The following OPHN1 variants were observed in gnomAD, a reference collection of about 807,000 sequenced individuals.
The protein encoded by OPHN1 is oligophrenin-1.
OPHN1 carries 11 observed loss-of-function variants against 60.7 expected under a neutral mutation model. That is an observed-to-expected ratio of 0.18 (90% CI 0.11 to 0.30). OPHN1 has a LOEUF of 0.30. OPHN1 is among the 10% of genes least tolerant of loss of function. The pLI is 1.00. For synonymous variants in OPHN1, 226 were observed against 222.6 expected (o/e 1.02, Z -0.14); for missense variants, 449 against 611.0 (o/e 0.73, Z 2.80).
intron 2 of OPHN1, among the ~76,000 whole-genome samples, chrX:68,339,206 G>C (rs1470734898): frequency 9.2e-6 from 1 of 108,864 alleles, no homozygotes; most frequent in African/African-American, 3.3e-5. Flanking sequence ...AATTGACAAA[G>C]TCCAAAATCT....
chrX:68,309,660 AAATGTGAGTCACC>A (rs1441921181), intron 2 of OPHN1, among the ~76,000 whole-genome samples: 1 of 112,515 alleles, frequency 8.9e-6, no homozygotes, highest in African/African-American at 3.2e-5. Context: ...TAGCTATGAA[AAATGTGAGTCACC>A]AATATATACA....
chrX:68,384,664 G>A (rs1333557173), intron 2 of OPHN1, among the ~76,000 whole-genome samples: 1 of 109,912 alleles, frequency 9.1e-6, no homozygotes, highest in Non-Finnish European at 1.9e-5. Flanking sequence ...AGAGGTTGCA[G>A]TGAGCCAAGA....
At chrX:68,054,936 T>C (rs770918113) in intron 21 of OPHN1, among the ~76,000 whole-genome samples, 63 of 112,188 alleles carry the variant, frequency 5.6e-4, no homozygotes, top group Non-Finnish European at 9.6e-4. Flanking sequence ...TGAATCTACA[T>C]ATACAACTAT....
chrX:68,329,825 A>G (rs2147673860), intron 2 of OPHN1, among the ~76,000 whole-genome samples: 1 of 112,155 alleles, frequency 8.9e-6, no homozygotes, highest in South Asian at 3.7e-4. Flanking sequence ...GATAAAGGCA[A>G]TTAGCTAACA....
intron 5 of OPHN1, among the ~76,000 whole-genome samples, chrX:68,258,301 A>C (rs1200958424): frequency 9.3e-6 from 1 of 107,806 alleles, no homozygotes; most frequent in Non-Finnish European, 1.9e-5. Context: ...TACAACGTGC[A>C]GGTTAGTTCC....
chrX:68,225,388 C>T (rs970371872), intron 6 of OPHN1, among the ~76,000 whole-genome samples: 9 of 111,743 alleles, frequency 8.1e-5, no homozygotes, highest in Non-Finnish European at 1.1e-4. Context: ...TCTCCCAGCA[C>T]GGAGTTTGAG....
At chrX:68,142,640 GT>G (rs1399954130) in intron 15 of OPHN1, among the ~76,000 whole-genome samples, 1 of 112,045 alleles carries the variant, frequency 8.9e-6, no homozygotes, top group Non-Finnish European at 1.9e-5. Context: ...CTCTGCTTTT[GT>G]TTGACTTAAC....
At chrX:68,421,375 A>G (rs1244006738) in intron 2 of OPHN1, among the ~76,000 whole-genome samples, 2 of 111,890 alleles carry the variant, frequency 1.8e-5, no homozygotes, top group Admixed American at 9.6e-5. Flanking sequence ...AAAAAAATCA[A>G]TATTTCCCAT....
chrX:68,118,155 C>T (rs1401882534), intron 16 of OPHN1, among the ~76,000 whole-genome samples: 8 of 111,446 alleles, frequency 7.2e-5, no homozygotes, highest in Non-Finnish European at 1.5e-4. Flanking sequence ...AAGTCAGAGA[C>T]ACTGAGATTT....
chrX:68,078,502 T>C (rs1434422725), intron 19 of OPHN1, among the ~76,000 whole-genome samples: 9 of 111,767 alleles, frequency 8.1e-5, no homozygotes, highest in Non-Finnish European at 1.1e-4. Context: ...CATGCATCTG[T>C]CCATCCAACA....
At chrX:68,343,778 G>C (rs1324630506) in intron 2 of OPHN1, among the ~76,000 whole-genome samples, 1 of 111,492 alleles carries the variant, frequency 9.0e-6, no homozygotes, top group Admixed American at 9.6e-5. Context: ...GTCTTGAATA[G>C]CTCTTGTGAC....
intron 15 of OPHN1, among the ~76,000 whole-genome samples, chrX:68,147,394 T>C (rs1037537992): frequency 8.9e-6 from 1 of 112,157 alleles, no homozygotes; most frequent in African/African-American, 3.2e-5. Flanking sequence ...TTGATTTCTA[T>C]GTCTCTGCTG....
intron 9 of OPHN1, among the ~76,000 whole-genome samples, chrX:68,206,909 C>A (rs1025869403): frequency 9.0e-6 from 1 of 110,959 alleles, no homozygotes; most frequent in Non-Finnish European, 1.9e-5. Flanking sequence ...CCTACTCTCC[C>A]TGCCATGTTC....
At chrX:68,338,784 T>C (rs1019276185) in intron 2 of OPHN1, among the ~76,000 whole-genome samples, 1 of 111,328 alleles carries the variant, frequency 9.0e-6, no homozygotes, top group African/African-American at 3.3e-5. Flanking sequence ...TGCTCCAACA[T>C]ACAAAAAATT....
At chrX:68,356,483 G>A (rs1019043242) in intron 2 of OPHN1, among the ~76,000 whole-genome samples, 1 of 110,129 alleles carries the variant, frequency 9.1e-6, no homozygotes, top group Non-Finnish European at 1.9e-5. Context: ...TATGATCTTG[G>A]CTCACTGCAA....
chrX:68,382,360 T>A (rs1294919809), intron 2 of OPHN1, among the ~76,000 whole-genome samples: 7 of 109,114 alleles, frequency 6.4e-5, no homozygotes, highest in African/African-American at 2.3e-4. Flanking sequence ...AAAAATAAAA[T>A]AAAATAAAAT....
intron 19 of OPHN1, among the ~76,000 whole-genome samples, chrX:68,075,589 T>A (rs751359881): frequency 1.8e-5 from 2 of 110,931 alleles, no homozygotes; most frequent in South Asian, 7.7e-4. Flanking sequence ...ATTTCAAGTC[T>A]TATTATAAAG....
chrX:68,351,416 T>C (rs757669569), intron 2 of OPHN1, among the ~76,000 whole-genome samples: 11 of 111,919 alleles, frequency 9.8e-5, no homozygotes, highest in Admixed American at 8.6e-4. Flanking sequence ...TGATACTATA[T>C]ATCCCAGAAA....
chrX:68,098,978 T>C (rs2077047961), intron 18 of OPHN1, among the ~76,000 whole-genome samples: 2 of 111,476 alleles, frequency 1.8e-5, no homozygotes, highest in Non-Finnish European at 1.9e-5. Flanking sequence ...CCAAGTCTTA[T>C]AGTTATCCCA....
Sources: allele counts gnomAD v4.1 joint callset (sites outside exome capture counted in the v4.1 genomes callset), GRCh38; gene constraint gnomAD v4.1.1; transcripts MANE v1.5; gene names NCBI Gene and HGNC (gene_info 2026-07-23, HGNC 2026-07-21).